The following TPO variants were observed in gnomAD, a reference collection of about 807,000 sequenced individuals.
TPO encodes thyroid microsomal antigen.
Under a neutral mutation model 96.9 loss-of-function variants are expected in TPO, and 78 were observed. That is an observed-to-expected ratio of 0.81 (90% CI 0.67 to 0.97). TPO has a LOEUF of 0.97. Among genes scored for constraint, TPO ranks in the 50% least tolerant of loss-of-function variants. The probability of loss-of-function intolerance (pLI) is 0.00; values close to 1 mark genes in which losing one functional copy is unlikely to be tolerated. For synonymous variants in TPO, 547 were observed against 538.0 expected, an observed-to-expected ratio of 1.02 and a Z score of -0.23; for missense variants, 1,252 against 1,274.8, an observed-to-expected ratio of 0.98 and a Z score of 0.27.
In TPO at chr2:1,496,755, C is replaced by T. The variant is rs1352942020; in HGVS notation, c.2376C>T (p.Pro792=). 1.9e-6 allele frequency: 3 copies of T among 1,613,992 alleles called. No individual in the cohort carries two copies. The African/African-American group carries it at 4.0e-5, about 22-fold the overall frequency. Residue 792 remains proline, a synonymous_variant, in exon 13 of 17, where the codon CCC becomes CCT. Coordinates refer to ENST00000329066, the MANE Select transcript of TPO (RefSeq NM_001206744.2). ...CTQEGWDFQP[P]LCKDVNECAD... ...AGGAAGGATGGGATTTCCAGCCTCC[C>T]CTCTGCAAAGGTCAGTCCTTTCTTC...
intron 15 of TPO, among the ~76,000 whole-genome samples, chr2:1,533,436 C>T (rs1678821000): frequency 8.6e-6 from 1 of 115,948 alleles, no homozygotes; most frequent in Non-Finnish European, 1.8e-5. Flanking sequence ...TGTGCAACCT[C>T]CCGAAATCGC....
intron 7 of TPO, among the ~76,000 whole-genome samples, chr2:1,464,176 C>T (rs1337522608): frequency 1.3e-5 from 2 of 152,176 alleles, no homozygotes; most frequent in Non-Finnish European, 2.9e-5. Flanking sequence ...AGTTACTTCA[C>T]TTAGAATAAT....
Position 1,540,508 on chromosome 2 carries a change from C to T in TPO, c.2619-86C>T, listed in dbSNP as rs1480475564. 6.9e-6 allele frequency: 11 copies of T among 1,600,356 alleles called. No homozygotes were observed. The East Asian group carries it at 1.3e-4, about 19-fold the overall frequency. ...TCCTGCCAAAGACAAGCACGGCTGC[C>T]TTGCCGTCGCTCGTGCCGTGCTCTC... On this transcript the variant is annotated intron_variant, in intron 15 of 16. Coordinates refer to ENST00000329066, the MANE Select transcript of TPO (RefSeq NM_001206744.2).
At position 1,484,770 on chromosome 2, in the gene TPO, G is replaced by A; in HGVS notation, c.1513G>A (p.Asp505Asn). Residue 505 changes from aspartate to asparagine, a missense_variant, in exon 9 of 17, where the codon GAC becomes AAC. By Grantham distance (23) the Asp-to-Asn change is conservative. Coordinates refer to ENST00000329066, the MANE Select transcript of TPO (RefSeq NM_001206744.2). ...GATCCACCCGCTGGTGAGGAGGCTGGACGCCAGCTTCCAGGAGCACCCCGA... is the reference window on the plus strand; with the variant it reads ...GATCCACCCGCTGGTGAGGAGGCTGAACGCCAGCTTCCAGGAGCACCCCGA... ...ATIHPLVRRL[D>N]ASFQEHPDLP... 1 of 1,614,090 alleles carries A rather than the reference G, an allele frequency of 6.2e-7. No homozygotes were observed. Among genetic ancestry groups the A allele is most frequent in the Non-Finnish European group, 8.5e-7 (1 of 1,180,038 alleles).
At chr2:1,430,176 C>G (rs1222324762) in intron 3 of TPO, among the ~76,000 whole-genome samples, 1 of 152,212 alleles carries the variant, frequency 6.6e-6, no homozygotes, top group African/African-American at 2.4e-5. Flanking sequence ...CCTTGGGCCT[C>G]TTTGTCCTGT....
At chr2:1,456,001 C>T in intron 6 of TPO, 75 bp from the exon 7 acceptor site, 1 of 1,450,216 alleles carries the variant, frequency 6.9e-7, no homozygotes, top group Non-Finnish European at 9.5e-7. Flanking sequence ...CCAGGAAGTG[C>T]ATGATCCCAA....
intron 2 of TPO, among the ~76,000 whole-genome samples, chr2:1,422,196 C>T (rs1403803431): frequency 6.6e-6 from 1 of 151,534 alleles, no homozygotes; most frequent in East Asian, 2.0e-4. Context: ...ACAGACGGAG[C>T]AGGGCAGAGT....
chr2:1,484,585 T>C lies in TPO; in HGVS notation c.1339-11T>C. 6.2e-7 allele frequency: 1 copy of C among 1,614,066 alleles called. No homozygotes were observed. The highest frequency in any genetic ancestry group is 8.5e-7 in the Non-Finnish European group (1 of 1,180,032). ...CTGGGCCTCACTGAGATGCTTTTCC[T>C]ATCTGCACAGATCATCACCCTGAGG... On this transcript the variant is annotated splice_polypyrimidine_tract_variant and intron_variant, in intron 8 of 16. Coordinates refer to ENST00000329066, the MANE Select transcript of TPO (RefSeq NM_001206744.2).
chr2:1,493,435 T>G (rs1394329038), intron 10 of TPO, among the ~76,000 whole-genome samples: 1 of 148,090 alleles, frequency 6.8e-6, no homozygotes, highest in African/African-American at 2.6e-5. Flanking sequence ...GCTGGAACAT[T>G]CTAGCCTGGC....
At chr2:1,502,947 G>A (rs1478218575) in intron 13 of TPO, among the ~76,000 whole-genome samples, 1 of 152,118 alleles carries the variant, frequency 6.6e-6, no homozygotes, top group East Asian at 1.9e-4. Flanking sequence ...CAGGTGGCCA[G>A]CCGACCACCC....
Position 1,423,070 on chromosome 2 carries a change from T to TA in TPO, c.121dup (p.Ser41LysfsTer41). ...GAAAGCCTGAGGAGTCTCGTGTCTC[T>TA]AGCGTCTTGGAGGAAAGCAAGCGCC... On this transcript the variant is annotated frameshift_variant, in exon 3 of 17. Coordinates refer to ENST00000329066, the MANE Select transcript of TPO (RefSeq NM_001206744.2). LOFTEE classifies it high-confidence loss of function. 6.2e-7 allele frequency: 1 copy of TA among 1,614,174 alleles called. No homozygotes were observed.
rs183012085 is a variant in TPO, at chr2:1,479,718, C to T, written c.1338+2114C>T. On this transcript the variant is annotated intron_variant, in intron 8 of 16. Transcript: ENST00000329066. ...TAGAAATAATGACATTTGGTTGCTG[C>T]GGCTGTGGCTGCTGCTGCTCCTCCT... 2.1e-3 allele frequency among the ~76,000 whole-genome samples: 318 copies of T among 152,256 alleles called. 1 individual carries two copies. Among genetic ancestry groups the T allele is most frequent in the Non-Finnish European group, 3.7e-3 (254 of 68,024 alleles).
chr2:1,411,000 C>G (rs547250679), upstream of TPO, among the ~76,000 whole-genome samples: 20 of 152,104 alleles, frequency 1.3e-4, no homozygotes, highest in African/African-American at 4.8e-4. Context: ...TTAGTTGCCT[C>G]TCTTTCATTC....
At chr2:1,424,335 G>T (rs547970169) in intron 3 of TPO, among the ~76,000 whole-genome samples, 1 of 152,208 alleles carries the variant, frequency 6.6e-6, no homozygotes, top group South Asian at 2.1e-4. Context: ...AGAAGAGATG[G>T]TGAATGTTTC....
intron 1 of TPO, among the ~76,000 whole-genome samples, chr2:1,384,576 T>C (rs1360077766): frequency 1.3e-5 from 2 of 152,244 alleles, no homozygotes; most frequent in African/African-American, 4.8e-5. Flanking sequence ...CCTGAGACTT[T>C]GCTGAAGTTG....
At chr2:1,526,576 A>G (rs1676553527) in intron 15 of TPO, among the ~76,000 whole-genome samples, 2 of 111,734 alleles carry the variant, frequency 1.8e-5, no homozygotes, top group African/African-American at 3.5e-5. Flanking sequence ...CTCAAATCCC[A>G]CGCCACTGTG....
chr2:1,482,502 G>A (rs1242573739), intron 8 of TPO, among the ~76,000 whole-genome samples: 1 of 152,178 alleles, frequency 6.6e-6, no homozygotes, highest in Non-Finnish European at 1.5e-5. Flanking sequence ...CCTGGGAGGT[G>A]AGCAGGAGGG....
chr2:1,512,877 C>A (rs1401609792), intron 14 of TPO, among the ~76,000 whole-genome samples: 1 of 152,196 alleles, frequency 6.6e-6, no homozygotes, highest in Non-Finnish European at 1.5e-5. Flanking sequence ...CCACCAGCAC[C>A]CTTATGATTA....
At chr2:1,423,522 G>T (rs1183673926) in intron 3 of TPO, among the ~76,000 whole-genome samples, 4 of 152,114 alleles carry the variant, frequency 2.6e-5, no homozygotes, top group South Asian at 2.1e-4. Flanking sequence ...ATAGAATAAA[G>T]AATTAAATGG....
Sources: gnomAD v4.1 joint callset for allele counts (sites outside exome capture counted in the v4.1 genomes callset) on GRCh38, gnomAD v4.1.1 for gene constraint, MANE v1.5 for transcripts, NCBI Gene and HGNC (gene_info 2026-07-23, HGNC 2026-07-21) for gene names.